The following STK32C variants were observed in gnomAD, a reference collection of about 807,000 sequenced individuals.
The protein encoded by STK32C is serine/threonine-protein kinase 32C.
A neutral mutation model predicts 56.5 loss-of-function variants in STK32C; 31 were observed. The observed-to-expected ratio is 0.55, with a 90% confidence interval of 0.41 to 0.74. The LOEUF (loss-of-function observed/expected upper bound fraction) is 0.74, where lower values mean the gene tolerates loss of function less well. Among genes scored for constraint, STK32C ranks in the 30% least tolerant of loss-of-function variants. The pLI is 0.00. For synonymous variants in STK32C, 309 were observed against 289.4 expected (o/e 1.07, Z -0.69); for missense variants, 544 against 676.9 (o/e 0.80, Z 2.18).
intron 1 of STK32C, among the ~76,000 whole-genome samples, chr10:132,324,828 T>G (rs2066466205): frequency 1.3e-5 from 2 of 152,154 alleles, no homozygotes; most frequent in Admixed American, 1.3e-4. Context: ...TCAATGCCTG[T>G]GAGGTATACA....
chr10:132,247,052 TG>T (rs773340043), intron 1 of STK32C, among the ~76,000 whole-genome samples: 9 of 152,294 alleles, frequency 5.9e-5, no homozygotes, highest in Admixed American at 1.3e-4. Context: ...ATTCGACAGC[TG>T]GAACAACCCC....
chr10:132,225,506 G>T (rs762871806), intron 6 of STK32C, 21 bp downstream of exon 6: 1 of 1,613,438 alleles, frequency 6.2e-7, no homozygotes, highest in Non-Finnish European at 8.5e-7. Context: ...GCTCCCATCT[G>T]GAACCCCAGC....
At chr10:132,230,952 C>T (rs2063079918) in intron 2 of STK32C, among the ~76,000 whole-genome samples, 1 of 152,194 alleles carries the variant, frequency 6.6e-6, no homozygotes, top group Non-Finnish European at 1.5e-5. Context: ...GACAGGGCAC[C>T]TGGGCTTCCC....
chr10:132,249,061 G>A (rs545075466), intron 1 of STK32C: 14 of 478,396 alleles, frequency 2.9e-5, no homozygotes, highest in African/African-American at 1.8e-4. Flanking sequence ...CGACGGAGGC[G>A]GCGGCTCCGG....
intron 1 of STK32C, among the ~76,000 whole-genome samples, chr10:132,251,572 T>G (rs1450618220): frequency 6.6e-6 from 1 of 152,116 alleles, no homozygotes. Flanking sequence ...CCCTCAGGAC[T>G]TGGGTGAGCA....
chr10:132,264,561 C>T (rs561578518), intron 1 of STK32C, among the ~76,000 whole-genome samples: 15 of 152,282 alleles, frequency 9.9e-5, no homozygotes, highest in African/African-American at 3.4e-4. Flanking sequence ...AGAGGAGGGA[C>T]CCGGGCCAGG....
intron 2 of STK32C, among the ~76,000 whole-genome samples, chr10:132,245,177 T>C (rs1419270347): frequency 6.6e-6 from 1 of 152,194 alleles, no homozygotes; most frequent in Non-Finnish European, 1.5e-5. Context: ...ATAGACACAG[T>C]GTCCAGGCAG....
intron 2 of STK32C, among the ~76,000 whole-genome samples, chr10:132,244,138 C>T (rs2063601941): frequency 6.6e-6 from 1 of 152,164 alleles, no homozygotes; most frequent in Non-Finnish European, 1.5e-5. Flanking sequence ...CAGGCCTCAC[C>T]TCACCCTCCC....
chr10:132,308,722 C>T (rs1455509391), upstream of STK32C, among the ~76,000 whole-genome samples: 1 of 152,202 alleles, frequency 6.6e-6, no homozygotes, highest in Non-Finnish European at 1.5e-5. Flanking sequence ...GCCCGAGTCG[C>T]CCAGGGTCCC....
chr10:132,239,914 C>T (rs190803716), intron 2 of STK32C, among the ~76,000 whole-genome samples: 8 of 152,342 alleles, frequency 5.3e-5, no homozygotes, highest in South Asian at 2.1e-4. Context: ...TGGGAACACA[C>T]GTCACAGATA....
intron 2 of STK32C, among the ~76,000 whole-genome samples, chr10:132,235,494 T>C (rs35847472): frequency 0.027 from 2,929 of 107,512 alleles, 217 homozygotes; most frequent in Middle Eastern, 0.082. Flanking sequence ...GACTCAGCCT[T>C]AAAAAAAAAA....
intron 11 of STK32C, 93 bp from the exon 12 acceptor site, chr10:132,208,244 T>C: frequency 8.0e-7 from 1 of 1,248,380 alleles, no homozygotes; most frequent in Non-Finnish European, 1.0e-6. Flanking sequence ...GGGTAGGCCA[T>C]GGCGTGGATG....
At chr10:132,321,444 G>A (rs1334842239), downstream of STK32C, among the ~76,000 whole-genome samples, 2 of 152,182 alleles carry the variant, frequency 1.3e-5, no homozygotes, top group African/African-American at 4.8e-5. Context: ...CTGGGACAAT[G>A]TCTAAGATGA....
rs554219494 is a variant in STK32C at position 132,255,147 on chromosome 10, C to T, written c.263-9192G>A. ...ACACACGCAGAAGTTGATTAAATGC[C>T]GTCTCGTCTCCTATGACCTGGGAAG... On this transcript the variant is annotated intron_variant, in intron 1 of 11. Coordinates refer to ENST00000298630, the MANE Select transcript of STK32C (RefSeq NM_173575.4). The surrounding 1 kb of genome is among the most constrained non-coding windows in gnomAD (Gnocchi z 4.6). Among the ~76,000 whole-genome samples, 4 of 152,296 alleles carry T rather than the reference C, an allele frequency of 2.6e-5. No individual in the cohort carries two copies. The highest frequency in any genetic ancestry group is 2.4e-5 in the African/African-American group (1 of 41,570).
At chr10:132,212,365 C>T (rs1590131092) in intron 10 of STK32C, among the ~76,000 whole-genome samples, 1 of 152,148 alleles carries the variant, frequency 6.6e-6, no homozygotes, top group Non-Finnish European at 1.5e-5. Flanking sequence ...GTCAGATATC[C>T]ACCGATGAGA....
At chr10:132,287,978 T>C (rs1351821437) in intron 1 of STK32C, among the ~76,000 whole-genome samples, 1 of 151,976 alleles carries the variant, frequency 6.6e-6, no homozygotes, top group Non-Finnish European at 1.5e-5. Context: ...TAATAAATAG[T>C]GTTGAACTGG....
intron 2 of STK32C, among the ~76,000 whole-genome samples, chr10:132,236,323 G>A (rs1228739501): frequency 6.6e-6 from 1 of 152,232 alleles, no homozygotes; most frequent in Admixed American, 6.5e-5. Context: ...ATGTCCCCGC[G>A]GTCCTGGATG....
At chr10:132,315,834 A>C (rs957573969) in intron 1 of STK32C, among the ~76,000 whole-genome samples, 7 of 152,274 alleles carry the variant, frequency 4.6e-5, no homozygotes, top group Non-Finnish European at 8.8e-5. Context: ...GAAAATTTTC[A>C]ATAAATCTCA....
intron 1 of STK32C, among the ~76,000 whole-genome samples, chr10:132,254,075 C>T (rs1174909848): frequency 2.6e-5 from 4 of 152,274 alleles, no homozygotes; most frequent in South Asian, 2.1e-4. Context: ...TTAGGGAGGC[C>T]GAGGCAGGTG....
Sources: gnomAD v4.1 joint callset for allele counts (sites outside exome capture counted in the v4.1 genomes callset) on GRCh38, gnomAD v4.1.1 for gene constraint, Gnocchi (gnomAD v3.1) non-coding constraint, MANE v1.5 for transcripts, NCBI Gene and HGNC (gene_info 2026-07-23, HGNC 2026-07-21) for gene names.